The following DAB1 variants were observed in gnomAD, a reference collection of about 807,000 sequenced individuals.
The protein encoded by DAB1 is DAB adaptor protein 1.
DAB1 carries 15 observed loss-of-function variants against 64.6 expected under a neutral mutation model. The observed-to-expected ratio is 0.23, with a 90% CI of 0.16 to 0.36. The LOEUF is 0.36. Among genes scored for constraint, DAB1 ranks in the 10% least tolerant of loss-of-function variants. The pLI is 1.00. For synonymous variants in DAB1, 235 were observed against 251.9 expected (o/e 0.93, Z 0.64); for missense variants, 596 against 706.7 (o/e 0.84, Z 1.78).
At chr1:58,404,828 T>C (rs1644601735) in intron 3 of DAB1, among the ~76,000 whole-genome samples, 1 of 152,134 alleles carries the variant, frequency 6.6e-6, no homozygotes, top group Non-Finnish European at 1.5e-5. Flanking sequence ...CAGGAAACAG[T>C]CATGTCCAGG....
At chr1:57,259,083 G>T (rs1177148631) in intron 2 of DAB1, among the ~76,000 whole-genome samples, 1 of 152,144 alleles carries the variant, frequency 6.6e-6, no homozygotes. Context: ...CTGGCATCTG[G>T]CTAATGTTAC....
chr1:57,084,638 T>C (rs1652874012), intron 4 of DAB1, among the ~76,000 whole-genome samples: 1 of 152,240 alleles, frequency 6.6e-6, no homozygotes, highest in Non-Finnish European at 1.5e-5. Flanking sequence ...GCTCTCTCAG[T>C]GAGCCTTAAT....
intron 3 of DAB1, among the ~76,000 whole-genome samples, chr1:58,497,874 C>T (rs1315213636): frequency 6.6e-6 from 1 of 152,166 alleles, no homozygotes; most frequent in Non-Finnish European, 1.5e-5. Context: ...TACACCTGAA[C>T]TCAAAGCCAC....
chr1:57,784,349 G>A (rs901501511), intron 6 of DAB1, among the ~76,000 whole-genome samples: 11 of 152,104 alleles, frequency 7.2e-5, no homozygotes, highest in Admixed American at 2.0e-4. Flanking sequence ...ACTCGAGATC[G>A]CGCCACTGCA....
intron 7 of DAB1, among the ~76,000 whole-genome samples, chr1:57,576,865 T>C (rs1261941859): frequency 6.6e-6 from 1 of 152,216 alleles, no homozygotes; most frequent in Admixed American, 6.5e-5. Flanking sequence ...ATGAGCAATA[T>C]ATGCCCTCGG....
intron 4 of DAB1, among the ~76,000 whole-genome samples, chr1:58,213,225 C>T (rs974849196): frequency 1.3e-5 from 2 of 152,132 alleles, no homozygotes; most frequent in East Asian, 3.9e-4. Context: ...CCTCAGTTTC[C>T]ACATCTCTAA....
At chr1:57,033,596 A>G in intron 9 of DAB1, 1 of 1,604,986 alleles carries the variant, frequency 6.2e-7, no homozygotes, top group South Asian at 1.1e-5. Context: ...GGGATGATGA[A>G]TGAGGATGAA....
At chr1:58,337,414 T>G (rs1663146029) in intron 4 of DAB1, among the ~76,000 whole-genome samples, 1 of 152,212 alleles carries the variant, frequency 6.6e-6, no homozygotes, top group Non-Finnish European at 1.5e-5. Context: ...TTATAAGCAT[T>G]TTTCTCTTTT....
At chr1:57,071,289 A>G (rs1477844617) in intron 6 of DAB1, 3 of 654,894 alleles carry the variant, frequency 4.6e-6, no homozygotes, top group Non-Finnish European at 7.6e-6. Context: ...TGGGTCCTCC[A>G]CCCCTGAAAT....
At chr1:57,360,076 C>G (rs1190245290) in intron 1 of DAB1, among the ~76,000 whole-genome samples, 1 of 151,976 alleles carries the variant, frequency 6.6e-6, no homozygotes, top group Non-Finnish European at 1.5e-5. Context: ...TTGAAAAATG[C>G]AGAGTTGATA....
chr1:57,698,525 C>A (rs1646872609), intron 6 of DAB1, among the ~76,000 whole-genome samples: 1 of 152,050 alleles, frequency 6.6e-6, no homozygotes, highest in Admixed American at 6.5e-5. Context: ...TATTTATTTA[C>A]CTATGTTTCC....
At chr1:58,535,947 T>G (rs1484413214) in intron 1 of DAB1, among the ~76,000 whole-genome samples, 1 of 152,014 alleles carries the variant, frequency 6.6e-6, no homozygotes, top group Non-Finnish European at 1.5e-5. Context: ...AAATATATAC[T>G]AAGCTCTACT....
At chr1:58,052,189 A>C (rs1647718707) in intron 5 of DAB1, among the ~76,000 whole-genome samples, 1 of 152,230 alleles carries the variant, frequency 6.6e-6, no homozygotes, top group Non-Finnish European at 1.5e-5. Context: ...TCTAACATTC[A>C]AGTCTTTAAT....
intron 7 of DAB1, among the ~76,000 whole-genome samples, chr1:57,583,986 C>T (rs1316431219): frequency 6.6e-6 from 1 of 152,256 alleles, no homozygotes; most frequent in Middle Eastern, 3.4e-3. Context: ...AGAAGGACTC[C>T]GTACTTCTCT....
chr1:58,406,012 G>A (rs554139487), intron 3 of DAB1, among the ~76,000 whole-genome samples: 5 of 152,192 alleles, frequency 3.3e-5, no homozygotes, highest in South Asian at 2.1e-4. Flanking sequence ...ACTGTGCTGC[G>A]TGTTTGACAT....
intron 4 of DAB1, among the ~76,000 whole-genome samples, chr1:58,267,671 A>C (rs1291841961): frequency 6.6e-6 from 1 of 152,206 alleles, no homozygotes; most frequent in African/African-American, 2.4e-5. Flanking sequence ...ATGAATGCTG[A>C]GCGAACATCA....
At chr1:58,529,986 T>C (rs957572659) in intron 1 of DAB1, among the ~76,000 whole-genome samples, 15 of 152,054 alleles carry the variant, frequency 9.9e-5, no homozygotes, top group Non-Finnish European at 1.8e-4. Flanking sequence ...GTTCACGCCA[T>C]TCTCCTGCCT....
intron 4 of DAB1, among the ~76,000 whole-genome samples, chr1:58,305,088 T>C (rs1662275359): frequency 6.6e-6 from 1 of 152,038 alleles, no homozygotes; most frequent in Non-Finnish European, 1.5e-5. Context: ...ACTCCTGGGC[T>C]CAAGTAATCA....
chr1:57,205,762 G>T (rs992822440), intron 2 of DAB1, among the ~76,000 whole-genome samples: 9 of 152,176 alleles, frequency 5.9e-5, no homozygotes, highest in African/African-American at 2.2e-4. Context: ...TCTCAAAGTT[G>T]AAGTTTTTTT....
Sources: allele counts gnomAD v4.1 joint callset (sites outside exome capture counted in the v4.1 genomes callset), GRCh38; gene constraint gnomAD v4.1.1; transcripts MANE v1.5; gene names NCBI Gene and HGNC (gene_info 2026-07-23, HGNC 2026-07-21).